NKAIN2: variants seen among roughly 807,000 people sequenced by gnomAD.
NKAIN2 encodes the protein sodium/potassium transporting ATPase interacting 2.
Under a neutral mutation model 32.6 loss-of-function variants are expected in NKAIN2, and 14 were observed. That is an observed-to-expected ratio of 0.43 (90% CI 0.28 to 0.67). The LOEUF (loss-of-function observed/expected upper bound fraction) is 0.67. Ranked by LOEUF, NKAIN2 falls within the 30% of genes least tolerant of loss-of-function variation. NKAIN2 has a pLI of 0.17. For synonymous variants in NKAIN2, 80 were observed against 87.2 expected, an observed-to-expected ratio of 0.92 and a Z score of 0.46; for missense variants, 198 against 258.3, an observed-to-expected ratio of 0.77 and a Z score of 1.60.
chr6:124,126,422 T>C (rs1222367526), intron 1 of NKAIN2, among the ~76,000 whole-genome samples: 1 of 152,206 alleles, frequency 6.6e-6, no homozygotes, highest in Non-Finnish European at 1.5e-5. Flanking sequence ...GGTTCTTGCC[T>C]CACTGAGAAA....
chr6:124,473,758 C>T (rs1354182318), intron 3 of NKAIN2, among the ~76,000 whole-genome samples: 1 of 152,130 alleles, frequency 6.6e-6, no homozygotes, highest in African/African-American at 2.4e-5. Flanking sequence ...TTCTAAGATG[C>T]TGATTCACCA....
At chr6:124,686,275 T>G (rs570534437) in intron 4 of NKAIN2, among the ~76,000 whole-genome samples, 1 of 152,302 alleles carries the variant, frequency 6.6e-6, no homozygotes, top group South Asian at 2.1e-4. Context: ...CTCTCGCTGC[T>G]ATAAGGAAAT....
intron 1 of NKAIN2, among the ~76,000 whole-genome samples, chr6:123,935,652 G>T (rs989714967): frequency 2.6e-5 from 4 of 151,836 alleles, no homozygotes; most frequent in Admixed American, 2.6e-4. Flanking sequence ...ACTAATTTTA[G>T]AAAAATAAAT....
At chr6:124,665,136 G>A (rs1183750615) in intron 4 of NKAIN2, among the ~76,000 whole-genome samples, 2 of 151,872 alleles carry the variant, frequency 1.3e-5, no homozygotes, top group Non-Finnish European at 2.9e-5. Flanking sequence ...AATCTGAATA[G>A]CATTTCTACA....
intron 4 of NKAIN2, among the ~76,000 whole-genome samples, chr6:124,712,122 G>T (rs1198418291): frequency 6.6e-6 from 1 of 151,686 alleles, no homozygotes; most frequent in East Asian, 1.9e-4. Flanking sequence ...CTCCCAGTTA[G>T]GCTGCTCGGG....
intron 3 of NKAIN2, among the ~76,000 whole-genome samples, chr6:124,649,405 A>G (rs1340466482): frequency 1.3e-5 from 2 of 152,184 alleles, no homozygotes; most frequent in African/African-American, 2.4e-5. Flanking sequence ...ATGCAGTCTA[A>G]AAAAACTTGT....
chr6:124,188,711 G>A (rs994206946), intron 1 of NKAIN2, among the ~76,000 whole-genome samples: 7 of 152,184 alleles, frequency 4.6e-5, no homozygotes, highest in Middle Eastern at 3.4e-3. Context: ...TCTGAAACCC[G>A]TTCCCCTAGG....
chr6:124,776,890 A>AT (rs1779005319), intron 4 of NKAIN2, among the ~76,000 whole-genome samples: 1 of 151,896 alleles, frequency 6.6e-6, no homozygotes, highest in East Asian at 1.9e-4. Flanking sequence ...AGAAGGTCTC[A>AT]TTTTTCTATT....
Position 124,412,914 on chromosome 6 carries a change from G to C in NKAIN2, c.273+57567G>C, listed in dbSNP as rs1218183453. On this transcript the variant is annotated intron_variant, in intron 3 of 6. Coordinates refer to ENST00000368417, the MANE Select transcript of NKAIN2 (RefSeq NM_001040214.3). ...GAGCCTCCCTGTCACCTTGCAGCTT[G>C]ATCTGAGACTGTTGTGTTAGCAATG... Among the ~76,000 whole-genome samples the C allele has an allele frequency of 2.0e-5, 3 of 152,178 alleles. No homozygotes were observed. In the East Asian group the frequency reaches 5.8e-4, roughly 29 times the overall value.
chr6:124,028,902 T>TAC (rs1490279818), intron 1 of NKAIN2, among the ~76,000 whole-genome samples: 2 of 81,296 alleles, frequency 2.5e-5, no homozygotes, highest in African/African-American at 1.1e-4. Context: ...TATATATATA[T>TAC]ACACATATAT....
At chr6:124,355,847 A>C (rs1798945748) in intron 3 of NKAIN2, among the ~76,000 whole-genome samples, 1 of 152,150 alleles carries the variant, frequency 6.6e-6, no homozygotes, top group East Asian at 1.9e-4. Flanking sequence ...AGGAAAACTA[A>C]ATACTTGCTT....
At chr6:124,301,843 G>A (rs1796304406) in intron 2 of NKAIN2, among the ~76,000 whole-genome samples, 1 of 152,110 alleles carries the variant, frequency 6.6e-6, no homozygotes, top group South Asian at 2.1e-4. Context: ...CAGGCTCATA[G>A]GCAGAAGGGA....
At chr6:124,709,163 C>T (rs1775283989) in intron 4 of NKAIN2, among the ~76,000 whole-genome samples, 2 of 144,206 alleles carry the variant, frequency 1.4e-5, no homozygotes, top group Non-Finnish European at 3.0e-5. Flanking sequence ...GTATATTGAA[C>T]CAGCCTTGCA....
chr6:124,203,590 G>A (rs1303293122), intron 1 of NKAIN2, among the ~76,000 whole-genome samples: 1 of 151,812 alleles, frequency 6.6e-6, no homozygotes, highest in Non-Finnish European at 1.5e-5. Flanking sequence ...GAGAGAAAGG[G>A]CATTAGAGTG....
intron 4 of NKAIN2, among the ~76,000 whole-genome samples, chr6:124,742,099 T>C (rs1472099182): frequency 2.6e-5 from 4 of 152,008 alleles, no homozygotes; most frequent in East Asian, 2.0e-4. Flanking sequence ...CAATAGCTTC[T>C]CTGAATCACA....
At chr6:124,703,870 T>TA (rs772876849) in intron 4 of NKAIN2, among the ~76,000 whole-genome samples, 85 of 152,142 alleles carry the variant, frequency 5.6e-4, no homozygotes, top group Admixed American at 1.0e-3. Context: ...ATCTGGAATA[T>TA]ATGTTTAGTA....
intron 1 of NKAIN2, among the ~76,000 whole-genome samples, chr6:123,948,151 T>G (rs1777155434): frequency 6.6e-6 from 1 of 152,140 alleles, no homozygotes; most frequent in Non-Finnish European, 1.5e-5. Context: ...TAGCACATTT[T>G]CTTTATCCAT....
chr6:123,844,913 A>G (rs945845582), intron 1 of NKAIN2, among the ~76,000 whole-genome samples: 3 of 152,234 alleles, frequency 2.0e-5, no homozygotes, highest in African/African-American at 7.2e-5. Flanking sequence ...CCTATGGCTA[A>G]ATCTCAACAA....
At chr6:124,175,623 A>G (rs1789117047) in intron 1 of NKAIN2, among the ~76,000 whole-genome samples, 1 of 152,152 alleles carries the variant, frequency 6.6e-6, no homozygotes, top group Non-Finnish European at 1.5e-5. Context: ...TTGTTTTTAT[A>G]TCATTATTTT....
Sources: gnomAD v4.1 joint callset for allele counts (sites outside exome capture counted in the v4.1 genomes callset) on GRCh38, gnomAD v4.1.1 for gene constraint, MANE v1.5 for transcripts, NCBI Gene and HGNC (gene_info 2026-07-23, HGNC 2026-07-21) for gene names.